EGFR: variants seen among roughly 807,000 people sequenced by gnomAD.
EGFR encodes the protein avian erythroblastic leukemia viral (v-erb-b) oncogene homolog.
A neutral mutation model predicts 143.0 loss-of-function variants in EGFR; 58 were observed. The ratio of observed to expected loss-of-function variants is 0.41; its 90% confidence interval spans 0.33 to 0.50. The LOEUF is 0.50. Ranked by LOEUF, EGFR falls within the 20% of genes least tolerant of loss-of-function variation. EGFR has a pLI of 0.39. For missense variants in EGFR, 1,307 were observed against 1,579.0 expected, an observed-to-expected ratio of 0.83 and a Z score of 2.92; for synonymous variants, 613 against 594.4, an observed-to-expected ratio of 1.03 and a Z score of -0.45.
intron 15 of EGFR, among the ~76,000 whole-genome samples, chr7:55,169,391 C>T (rs981390667): frequency 6.6e-6 from 1 of 152,174 alleles, no homozygotes; most frequent in Non-Finnish European, 1.5e-5. Flanking sequence ...AGCCACTGCG[C>T]CCAGCAGGAA....
At chr7:55,194,693 A>T (rs540949692) in intron 22 of EGFR, among the ~76,000 whole-genome samples, 13 of 151,952 alleles carry the variant, frequency 8.6e-5, no homozygotes, top group African/African-American at 3.1e-4. Flanking sequence ...CAATGCCCAC[A>T]CTCCATGCAC....
intron 1 of EGFR, among the ~76,000 whole-genome samples, chr7:55,103,314 T>G (rs774486089): frequency 6.6e-6 from 1 of 152,226 alleles, no homozygotes; most frequent in Non-Finnish European, 1.5e-5. Context: ...GGAAAGGGAT[T>G]TGGGAGGGTT....
intron 1 of EGFR, among the ~76,000 whole-genome samples, chr7:55,121,900 T>TC (rs746323952): frequency 4.6e-5 from 7 of 152,220 alleles, no homozygotes; most frequent in Non-Finnish European, 1.5e-5. Context: ...TGGGGCCTGT[T>TC]CTTCAAAGGC....
intron 1 of EGFR, among the ~76,000 whole-genome samples, chr7:55,086,650 C>T (rs1406968441): frequency 1.3e-5 from 2 of 152,218 alleles, no homozygotes; most frequent in African/African-American, 4.8e-5. Flanking sequence ...GCAGGCAGGC[C>T]CTCCAGAGGC....
At chr7:55,025,058 T>C (rs1438027590) in intron 1 of EGFR, among the ~76,000 whole-genome samples, 2 of 152,194 alleles carry the variant, frequency 1.3e-5, no homozygotes, top group Non-Finnish European at 2.9e-5. Context: ...GTGCTAGTAA[T>C]TCAAATGGCA....
chr7:55,060,645 A>T (rs555238882), intron 1 of EGFR, among the ~76,000 whole-genome samples: 1 of 152,138 alleles, frequency 6.6e-6, no homozygotes, highest in Admixed American at 6.5e-5. Flanking sequence ...ATGACTTTTC[A>T]TCTTGTGTTT....
At chr7:55,165,008 G>C (rs1785895519) in intron 14 of EGFR, among the ~76,000 whole-genome samples, 1 of 152,164 alleles carries the variant, frequency 6.6e-6, no homozygotes. Flanking sequence ...GCCCACAATG[G>C]TTAAGCAGAA....
rs143016944 is a variant in EGFR at position 55,091,539 on chromosome 7, G to T, written c.89-50747G>T. On this transcript the variant is annotated intron_variant, in intron 1 of 27. Coordinates refer to ENST00000275493, the MANE Select transcript of EGFR (RefSeq NM_005228.5). Reference sequence around the variant, plus strand: ...CTCCCACCTCCCTTCGACAGTACAGGCTTCCTGGTTACCTTCCAGAGAGTA... The same window carrying T: ...CTCCCACCTCCCTTCGACAGTACAGTCTTCCTGGTTACCTTCCAGAGAGTA... Among the ~76,000 whole-genome samples the T allele has an allele frequency of 1.2e-3, 189 of 152,304 alleles. 1 individual carries two copies. The highest frequency in any genetic ancestry group is 1.6e-3 in the Non-Finnish European group (109 of 68,024).
chr7:55,195,173 T>C (rs549661414), intron 22 of EGFR, among the ~76,000 whole-genome samples: 1 of 152,344 alleles, frequency 6.6e-6, no homozygotes, highest in South Asian at 2.1e-4. Flanking sequence ...AATGAGACAG[T>C]CTTTCTTTTA....
Position 55,210,396 on chromosome 7 carries a change from T to C in EGFR, c.*4779T>C, listed in dbSNP as rs1788210662. The C allele has an allele frequency of 6.6e-6, 1 of 152,190 alleles. No homozygotes were observed. The highest frequency in any genetic ancestry group is 1.5e-5 in the Non-Finnish European group (1 of 68,044). The allele number at this position is 152,190 out of a possible 1,614,324, so 9.4% of individuals were successfully genotyped here. ...TTATTCAGCCCTGGCTGCAGTGACATCACCTGAGGAGCTTTTAAAAGCTTG... is the reference window on the plus strand; with the variant it reads ...TTATTCAGCCCTGGCTGCAGTGACACCACCTGAGGAGCTTTTAAAAGCTTG... On this transcript the variant is annotated 3_prime_UTR_variant, in exon 28 of 28. Transcript: ENST00000275493.
chr7:55,168,303 A>G (rs543776482), intron 15 of EGFR, among the ~76,000 whole-genome samples: 1 of 152,232 alleles, frequency 6.6e-6, no homozygotes, highest in African/African-American at 2.4e-5. Context: ...GATGTGCATC[A>G]GTATCTCTGC....
chr7:55,023,648 C>T (rs1786708880), intron 1 of EGFR, among the ~76,000 whole-genome samples: 1 of 74,492 alleles, frequency 1.3e-5, no homozygotes, highest in African/African-American at 6.1e-5. Flanking sequence ...GAGACTCCAT[C>T]TCAAAAAAAA....
intron 1 of EGFR, among the ~76,000 whole-genome samples, chr7:55,117,956 A>G (rs1364504717): frequency 6.6e-6 from 1 of 152,196 alleles, no homozygotes; most frequent in Non-Finnish European, 1.5e-5. Context: ...GGGCCCCCAG[A>G]AAAGGAGAAG....
intron 1 of EGFR, among the ~76,000 whole-genome samples, chr7:55,039,181 G>A (rs1017451702): frequency 6.6e-6 from 1 of 152,244 alleles, no homozygotes; most frequent in African/African-American, 2.4e-5. Context: ...TACAGTGGGA[G>A]CTCAGAAGAG....
rs148063163 is a variant in EGFR at position 55,130,318 on chromosome 7, G to T, written c.89-11968G>T. ...CTCATGGAAGGGATAATATATTCTA[G>T]AAACAGGAGTGCGGCCCTATTGCAA... On this transcript the variant is annotated intron_variant, in intron 1 of 27. Transcript: ENST00000275493. 2.3e-3 allele frequency among the ~76,000 whole-genome samples: 357 copies of T among 152,314 alleles called. 5 individuals are homozygous for T. The highest frequency in any genetic ancestry group is 0.021 in the Admixed American group (327 of 15,304).
chr7:55,207,327 A>G lies in EGFR; in HGVS notation c.*1710A>G, dbSNP rs1188551204. The G allele has an allele frequency of 1.7e-5, 4 of 231,202 alleles. No homozygotes were observed. The highest frequency in any genetic ancestry group is 5.6e-5 in the Admixed American group (1 of 17,728). 14.3% of individuals were successfully genotyped at this position (231,202 alleles called of 1,614,324 possible). ...TCTCAATGAAAATAAAACTATATTCATTTCCACTCTATTATGCTCTCAAAT... is the reference window on the plus strand; with the variant it reads ...TCTCAATGAAAATAAAACTATATTCGTTTCCACTCTATTATGCTCTCAAAT... On this transcript the variant is annotated 3_prime_UTR_variant, in exon 28 of 28. Transcript: ENST00000275493.
chr7:55,190,126 C>T (rs541766026), intron 20 of EGFR, among the ~76,000 whole-genome samples: 6 of 152,044 alleles, frequency 3.9e-5, no homozygotes, highest in Non-Finnish European at 5.9e-5. Context: ...CGGCTTCTGC[C>T]CCCCCTCTCC....
At chr7:55,148,239 G>A (rs1240260177) in intron 4 of EGFR, among the ~76,000 whole-genome samples, 1 of 152,042 alleles carries the variant, frequency 6.6e-6, no homozygotes, top group Non-Finnish European at 1.5e-5. Context: ...TCAGCTGTCT[G>A]GTGGACAATG....
intron 1 of EGFR, among the ~76,000 whole-genome samples, chr7:55,087,276 AAAAAAAAC>A (rs977302617): frequency 1.4e-4 from 19 of 132,794 alleles, no homozygotes; most frequent in South Asian, 1.4e-3. Flanking sequence ...CAATTGTTAA[AAAAAAAAC>A]AAAAAAAAAA....
Sources: allele counts gnomAD v4.1 joint callset (sites outside exome capture counted in the v4.1 genomes callset), GRCh38; gene constraint gnomAD v4.1.1; transcripts MANE v1.5; gene names NCBI Gene and HGNC (gene_info 2026-07-23, HGNC 2026-07-21).